ABHD12: variants seen among roughly 807,000 people sequenced by gnomAD.
ABHD12 encodes the protein lysophosphatidylserine lipase ABHD12.
A neutral mutation model predicts 58.3 loss-of-function variants in ABHD12; 43 were observed. The observed-to-expected ratio is 0.74, with a 90% CI of 0.58 to 0.95. The LOEUF (loss-of-function observed/expected upper bound fraction) is 0.95. ABHD12 is among the 40% of genes least tolerant of loss of function. The probability of loss-of-function intolerance (pLI) is 0.00; values close to 1 mark genes in which losing one functional copy is unlikely to be tolerated. For missense variants in ABHD12, 539 were observed against 537.2 expected, an observed-to-expected ratio of 1.00 and a Z score of -0.03; for synonymous variants, 219 against 211.2, an observed-to-expected ratio of 1.04 and a Z score of -0.32.
At chr20:25,376,060 T>C (rs1260451604) in intron 1 of ABHD12, among the ~76,000 whole-genome samples, 3 of 152,016 alleles carry the variant, frequency 2.0e-5, no homozygotes, top group Non-Finnish European at 4.4e-5. Context: ...AGGCGGAGAT[T>C]GTAGTGAGCC....
intron 1 of ABHD12, among the ~76,000 whole-genome samples, chr20:25,369,586 G>A (rs977751411): frequency 8.5e-5 from 13 of 152,242 alleles, no homozygotes; most frequent in African/African-American, 2.9e-4. Flanking sequence ...TCTGCCTACC[G>A]AAGTGACACG....
At chr20:25,351,063 TCTTA>T (rs1387584661) in intron 1 of ABHD12, among the ~76,000 whole-genome samples, 2 of 152,104 alleles carry the variant, frequency 1.3e-5, no homozygotes, top group Non-Finnish European at 2.9e-5. Context: ...AGCTACTCTC[TCTTA>T]GAGTATTGCC....
chr20:25,300,121 G>T, downstream of ABHD12: 1 of 880,496 alleles, frequency 1.1e-6, no homozygotes, highest in Non-Finnish European at 1.4e-6. Context: ...GAGTCATGGA[G>T]TGGCTCCAAA....
downstream of ABHD12, chr20:25,295,468 C>CTGCG: frequency 2.1e-6 from 2 of 954,544 alleles, no homozygotes; most frequent in Non-Finnish European, 3.3e-6. Context: ...CTCTGACCAG[C>CTGCG]TGCGTGGGTG....
chr20:25,354,770 GA>G (rs960690407), intron 1 of ABHD12, among the ~76,000 whole-genome samples: 13 of 150,340 alleles, frequency 8.6e-5, no homozygotes, highest in South Asian at 4.2e-4. Flanking sequence ...TACTATTTTA[GA>G]AAAAAAAAAT....
chr20:25,312,502 G>T (rs942952039), intron 6 of ABHD12, among the ~76,000 whole-genome samples: 1 of 152,190 alleles, frequency 6.6e-6, no homozygotes, highest in Non-Finnish European at 1.5e-5. Context: ...CCAGGCTGGA[G>T]TGCAGTGGCG....
intron 1 of ABHD12, among the ~76,000 whole-genome samples, chr20:25,353,286 A>T (rs1397395205): frequency 2.0e-5 from 3 of 151,612 alleles, no homozygotes; most frequent in African/African-American, 7.3e-5. Flanking sequence ...CCTGGCAAAC[A>T]TGCCATGTTT....
At chr20:25,335,361 A>G (rs1463522570) in intron 2 of ABHD12, among the ~76,000 whole-genome samples, 5 of 149,814 alleles carry the variant, frequency 3.3e-5, no homozygotes, top group Non-Finnish European at 7.4e-5. Flanking sequence ...TGTTGGTGGG[A>G]CTGTAAACTA....
rs1332257144 is a variant in ABHD12, at chr20:25,390,600, C to G, written c.104G>C (p.Arg35Pro). Residue 35 changes from arginine (R) to proline (P), a missense_variant, in exon 1 of 13, where the codon CGC becomes CCC. Physicochemically the swap from Arg to Pro is moderately radical, Grantham distance 103. Coordinates refer to ENST00000339157, the MANE Select transcript of ABHD12 (RefSeq NM_001042472.3). Reference sequence around the variant, plus strand: ...CGTCAGGCGTAGGTTCTGCTTCAGGCGGCAGTCGGCGTCCAGCGCCGCGGC... The same window carrying G: ...CGTCAGGCGTAGGTTCTGCTTCAGGGGGCAGTCGGCGTCCAGCGCCGCGGC... Reference protein sequence around the residue: ...SAAAALDADCRLKQNLRLTGP... With the variant: ...SAAAALDADCPLKQNLRLTGP... 1 of 1,470,678 alleles carries G rather than the reference C, an allele frequency of 6.8e-7. No individual in the cohort carries two copies. The highest frequency in any genetic ancestry group is 2.4e-5 in the Admixed American group (1 of 42,450). 91.1% of individuals were successfully genotyped at this position (1,470,678 alleles called of 1,614,324 possible). A position where few individuals can be genotyped will look rare whatever the true frequency, so the allele number is the denominator to read the frequency against.
chr20:25,296,151 T>A (rs2088540345), downstream of ABHD12, among the ~76,000 whole-genome samples: 1 of 152,084 alleles, frequency 6.6e-6, no homozygotes, highest in South Asian at 2.1e-4. Flanking sequence ...TGGGACCTTC[T>A]CTCCAGCTCC....
At chr20:25,308,370 G>C in intron 8 of ABHD12, 87 bp downstream of exon 8, 8 of 1,517,116 alleles carry the variant, frequency 5.3e-6, no homozygotes, top group Non-Finnish European at 7.2e-6. Flanking sequence ...GCTGCTCCAT[G>C]AGGACGCTGA....
chr20:25,354,990 CAA>C (rs2089648793), intron 1 of ABHD12, among the ~76,000 whole-genome samples: 1 of 152,162 alleles, frequency 6.6e-6, no homozygotes, highest in Non-Finnish European at 1.5e-5. Flanking sequence ...CTTTGAAGAA[CAA>C]AGACATTATT....
At chr20:25,348,124 C>T (rs148841709) in intron 1 of ABHD12, among the ~76,000 whole-genome samples, 107 of 151,162 alleles carry the variant, frequency 7.1e-4, no homozygotes, top group African/African-American at 2.5e-3. Flanking sequence ...GCAGGAGAAT[C>T]GCTTGAATCT....
intron 2 of ABHD12, among the ~76,000 whole-genome samples, chr20:25,326,128 G>A (rs999691594): frequency 8.2e-5 from 12 of 147,204 alleles, no homozygotes; most frequent in Non-Finnish European, 1.3e-4. Flanking sequence ...GGGAGGGGAG[G>A]GAAGGGAAGG....
At chr20:25,303,332 C>G in intron 11 of ABHD12, 1 of 1,449,652 alleles carries the variant, frequency 6.9e-7, no homozygotes, top group Non-Finnish European at 9.1e-7. Flanking sequence ...TGGGCCCCTG[C>G]CCCAACCTTT....
At chr20:25,312,677 C>A (rs1223884766) in intron 6 of ABHD12, among the ~76,000 whole-genome samples, 5 of 151,562 alleles carry the variant, frequency 3.3e-5, no homozygotes, top group Non-Finnish European at 5.9e-5. Flanking sequence ...GCCTGGCTGC[C>A]CAGTCTGGGA....
chr20:25,361,030 CAG>C (rs2089739748), intron 1 of ABHD12, among the ~76,000 whole-genome samples: 1 of 152,234 alleles, frequency 6.6e-6, no homozygotes, highest in Non-Finnish European at 1.5e-5. Context: ...CCGCAGCTCT[CAG>C]AGAGCTGGAA....
intron 2 of ABHD12, among the ~76,000 whole-genome samples, chr20:25,326,254 T>G (rs2089176159): frequency 6.6e-6 from 1 of 151,920 alleles, no homozygotes; most frequent in Non-Finnish European, 1.5e-5. Context: ...AGGAAACAAT[T>G]GAAGAAACTG....
chr20:25,314,668 G>T (rs2088926620), intron 6 of ABHD12, among the ~76,000 whole-genome samples: 1 of 149,236 alleles, frequency 6.7e-6, no homozygotes, highest in Non-Finnish European at 1.5e-5. Context: ...GACAAAGTGA[G>T]ATCCTATCTT....
Sources: allele counts gnomAD v4.1 joint callset (sites outside exome capture counted in the v4.1 genomes callset), GRCh38; gene constraint gnomAD v4.1.1; transcripts MANE v1.5; gene names NCBI Gene and HGNC (gene_info 2026-07-23, HGNC 2026-07-21).